Variants in MSTO1 observed in about 807,000 individuals in gnomAD.
MSTO1 encodes the protein protein misato homolog 1.
MSTO1 carries 24 observed loss-of-function variants against 55.7 expected under a neutral mutation model. The ratio of observed to expected loss-of-function variants is 0.43; its 90% confidence interval spans 0.31 to 0.61. MSTO1 has a LOEUF of 0.61. Among genes scored for constraint, MSTO1 ranks in the 20% least tolerant of loss-of-function variants. The pLI is 0.09. For missense variants in MSTO1, 363 were observed against 625.7 expected, an observed-to-expected ratio of 0.58 and a Z score of 4.48; for synonymous variants, 162 against 252.8, an observed-to-expected ratio of 0.64 and a Z score of 3.41.
the MSTO1 span, among the ~76,000 whole-genome samples, chr1:155,590,201 G>A: frequency 6.6e-6 from 1 of 152,100 alleles, no homozygotes; most frequent in Non-Finnish European, 1.5e-5. Context: ...AGAGGCCTGA[G>A]TACGATGGGG....
chr1:155,591,726 G>T, the MSTO1 span, among the ~76,000 whole-genome samples: 5 of 151,686 alleles, frequency 3.3e-5, no homozygotes, highest in Non-Finnish European at 7.4e-5. Context: ...GGAGGCAGAG[G>T]TTGCAGTGAG....
the MSTO1 span, among the ~76,000 whole-genome samples, chr1:155,601,578 A>C: frequency 6.6e-6 from 1 of 152,098 alleles, no homozygotes; most frequent in South Asian, 2.1e-4. Flanking sequence ...GTTAGCTGTG[A>C]TCTCACCACT....
At chr1:155,573,965 T>A in the MSTO1 span, among the ~76,000 whole-genome samples, 1 of 152,210 alleles carries the variant, frequency 6.6e-6, no homozygotes, top group African/African-American at 2.4e-5. Context: ...TTTATACCTT[T>A]TGCAAAATTT....
At chr1:155,572,790 G>T in the MSTO1 span, among the ~76,000 whole-genome samples, 1 of 151,946 alleles carries the variant, frequency 6.6e-6, no homozygotes, top group Non-Finnish European at 1.5e-5. Context: ...AACTGGGTTT[G>T]CAGGCATGCG....
chr1:155,597,450 CAA>C, the MSTO1 span, among the ~76,000 whole-genome samples: 1 of 151,496 alleles, frequency 6.6e-6, no homozygotes, highest in African/African-American at 2.4e-5. Flanking sequence ...GCCTGGGCAA[CAA>C]GAGGGAAACT....
At chr1:155,568,657 C>T in the MSTO1 span, among the ~76,000 whole-genome samples, 1 of 151,854 alleles carries the variant, frequency 6.6e-6, no homozygotes, top group Non-Finnish European at 1.5e-5. Context: ...CCAGGCTGGT[C>T]TCAAACTCCT....
At chr1:155,606,011 C>G (rs1016512852), upstream of MSTO1, among the ~76,000 whole-genome samples, 2 of 151,922 alleles carry the variant, frequency 1.3e-5, no homozygotes, top group Non-Finnish European at 2.9e-5. Context: ...GGATGCAAAA[C>G]AAAATATCAG....
the MSTO1 span, chr1:155,590,712 A>G: frequency 6.4e-7 from 1 of 1,555,642 alleles, no homozygotes; most frequent in Non-Finnish European, 8.7e-7. Context: ...CGGAGGGGCA[A>G]GTGCAGCACA....
the MSTO1 span, among the ~76,000 whole-genome samples, chr1:155,603,673 C>T: frequency 6.6e-6 from 1 of 151,880 alleles, no homozygotes; most frequent in East Asian, 1.9e-4. Flanking sequence ...GCCTGGACAA[C>T]ATGGTGAAAC....
chr1:155,607,039 T>A (rs941227208), upstream of MSTO1, among the ~76,000 whole-genome samples: 13 of 149,840 alleles, frequency 8.7e-5, no homozygotes, highest in Admixed American at 7.3e-4. Flanking sequence ...TCACCATGTT[T>A]GCCAGGCTGG....
At chr1:155,589,874 T>G in the MSTO1 span, among the ~76,000 whole-genome samples, 1 of 151,882 alleles carries the variant, frequency 6.6e-6, no homozygotes, top group East Asian at 1.9e-4. Flanking sequence ...TTAATCTCCT[T>G]TGGCAACACC....
At chr1:155,613,305 G>C in intron 11 of MSTO1, 72 bp downstream of exon 11, 1 of 1,583,060 alleles carries the variant, frequency 6.3e-7, no homozygotes, top group Middle Eastern at 1.7e-4. Context: ...AATTTCTCTG[G>C]GGCATTCTAA....
the MSTO1 span, among the ~76,000 whole-genome samples, chr1:155,579,123 C>T: frequency 6.6e-6 from 1 of 151,350 alleles, no homozygotes; most frequent in African/African-American, 2.4e-5. Context: ...GCCTGACCAA[C>T]ATGGAGAAAC....
the MSTO1 span, among the ~76,000 whole-genome samples, chr1:155,574,841 G>A: frequency 6.1e-3 from 930 of 151,408 alleles, 10 homozygotes; most frequent in African/African-American, 0.022. Context: ...ACCGTGCACA[G>A]CCTCCACTAT....
At chr1:155,587,439 CAAAAAAAAAAAA>C in the MSTO1 span, among the ~76,000 whole-genome samples, 1 of 52,678 alleles carries the variant, frequency 1.9e-5, no homozygotes. Flanking sequence ...GACTACGTCT[CAAAAAAAAAAAA>C]AAAAAAAAAA....
chr1:155,609,672 C>T (rs1166756509), upstream of MSTO1: 3 of 152,936 alleles, frequency 2.0e-5, no homozygotes, highest in Non-Finnish European at 2.9e-5. Context: ...GCAAAAGACG[C>T]CAACAGATAC....
the MSTO1 span, chr1:155,563,366 A>G: frequency 2.2e-6 from 1 of 456,330 alleles, no homozygotes; most frequent in Non-Finnish European, 4.4e-6. Context: ...TGTACCGCTG[A>G]GGGAAAGGAG....
At chr1:155,604,277 T>C in the MSTO1 span, among the ~76,000 whole-genome samples, 1 of 152,154 alleles carries the variant, frequency 6.6e-6, no homozygotes, top group African/African-American at 2.4e-5. Context: ...CTTCTGAATG[T>C]ACTTTCTTTT....
At chr1:155,609,742 G>C (rs1302763512), upstream of MSTO1, 1 of 161,136 alleles carries the variant, frequency 6.2e-6, no homozygotes, top group African/African-American at 2.4e-5. Context: ...GTAAATGATA[G>C]AGATATGATA....
Sources: allele counts gnomAD v4.1 joint callset (sites outside exome capture counted in the v4.1 genomes callset), GRCh38; gene constraint gnomAD v4.1.1; transcripts MANE v1.5; gene names NCBI Gene and HGNC (gene_info 2026-07-23, HGNC 2026-07-21).